ENKUR: variants seen among roughly 807,000 people sequenced by gnomAD.
The protein encoded by ENKUR is enkurin, TRPC channel interacting protein.
ENKUR carries 19 observed loss-of-function variants against 27.6 expected under a neutral mutation model. The ratio of observed to expected loss-of-function variants is 0.69; its 90% CI spans 0.48 to 1.01. The LOEUF (loss-of-function observed/expected upper bound fraction) is 1.01. ENKUR is among the 50% of genes least tolerant of loss of function. ENKUR has a pLI of 0.00. For synonymous variants in ENKUR, 117 were observed against 96.9 expected (o/e 1.21, Z -1.22); for missense variants, 312 against 310.5 (o/e 1.00, Z -0.04).
At chr10:25,053,775 C>A (rs1656051177) in intron 2 of ENKUR, among the ~76,000 whole-genome samples, 1 of 151,680 alleles carries the variant, frequency 6.6e-6, no homozygotes, top group Admixed American at 6.6e-5. Context: ...ATACATACAT[C>A]TTTTTACCCA....
At chr10:25,022,034 A>G (rs1850728764) in intron 2 of ENKUR, 1 of 152,192 alleles carries the variant, frequency 6.6e-6, no homozygotes, top group Admixed American at 6.5e-5. Context: ...CATATGATCT[A>G]GTATTTAATA....
chr10:25,056,635 G>A (rs1851259431), intron 2 of ENKUR, among the ~76,000 whole-genome samples: 1 of 152,160 alleles, frequency 6.6e-6, no homozygotes, highest in Non-Finnish European at 1.5e-5. Flanking sequence ...TGGAAAGCCA[G>A]CAGTCAATTT....
intron 2 of ENKUR, chr10:25,024,138 AC>A: frequency 6.2e-7 from 1 of 1,614,198 alleles, no homozygotes; most frequent in Non-Finnish European, 8.5e-7. Flanking sequence ...CTGCAGACAT[AC>A]CTGCTGCCAG....
chr10:25,032,024 T>A (rs1850940596), intron 2 of ENKUR, among the ~76,000 whole-genome samples: 1 of 152,192 alleles, frequency 6.6e-6, no homozygotes, highest in Admixed American at 6.5e-5. Flanking sequence ...TTTCTGTTTC[T>A]TCTGAAGTCC....
intron 1 of ENKUR, among the ~76,000 whole-genome samples, chr10:25,008,871 G>A (rs532339816): frequency 5.3e-5 from 8 of 152,250 alleles, no homozygotes; most frequent in African/African-American, 1.7e-4. Context: ...GTCCAACAAC[G>A]ATAGACTGGA....
At chr10:25,017,507 A>G (rs968361171), upstream of ENKUR, among the ~76,000 whole-genome samples, 1 of 152,090 alleles carries the variant, frequency 6.6e-6, no homozygotes, top group Non-Finnish European at 1.5e-5. Flanking sequence ...GATTAAAACA[A>G]CACAATGGCC....
intron 2 of ENKUR, chr10:25,023,857 G>T: frequency 6.2e-7 from 1 of 1,614,194 alleles, no homozygotes; most frequent in Non-Finnish European, 8.5e-7. Flanking sequence ...CCCAGAGGAG[G>T]TAGCTGACAA....
chr10:25,011,755 G>A (rs1011690699), intron 1 of ENKUR, among the ~76,000 whole-genome samples: 10 of 152,220 alleles, frequency 6.6e-5, no homozygotes, highest in African/African-American at 2.4e-4. Flanking sequence ...TTAAAAGGAA[G>A]CAGAGCATAA....
intron 4 of ENKUR, among the ~76,000 whole-genome samples, chr10:24,988,236 A>ATATATATATATATGTGTG (rs1849821963): frequency 7.0e-6 from 1 of 143,430 alleles, no homozygotes; most frequent in African/African-American, 2.6e-5. Flanking sequence ...AAAAAAATGT[A>ATATATATATATATGTGTG]TATATATATA....
chr10:25,023,355 G>C (rs1328065557), intron 2 of ENKUR: 1 of 1,614,158 alleles, frequency 6.2e-7, no homozygotes, highest in East Asian at 2.2e-5. Flanking sequence ...AATTGAGGAA[G>C]TCATGGTATT....
intron 2 of ENKUR, among the ~76,000 whole-genome samples, chr10:25,028,828 TCCTCC>T (rs1186242467): frequency 4.6e-5 from 7 of 152,206 alleles, no homozygotes; most frequent in Admixed American, 6.5e-5. Context: ...TTCGCTTTCT[TCCTCC>T]AGCTGTAACT....
intron 2 of ENKUR, among the ~76,000 whole-genome samples, chr10:25,043,916 G>T: frequency 6.7e-6 from 1 of 148,418 alleles, no homozygotes; most frequent in South Asian, 2.1e-4. Context: ...TTAGTTCTAG[G>T]ATTTCTGTTT....
chr10:25,050,875 G>A (rs1851181139), intron 2 of ENKUR, among the ~76,000 whole-genome samples: 1 of 152,168 alleles, frequency 6.6e-6, no homozygotes, highest in African/African-American at 2.4e-5. Flanking sequence ...TTCAAAAAAG[G>A]TGAAGGGCAT....
rs1849731174 is a variant in ENKUR, at chr10:24,984,352, A to G, written c.*18T>C. 2 of 1,597,444 alleles carry G rather than the reference A, an allele frequency of 1.3e-6. No individual in the cohort carries two copies. The highest frequency in any genetic ancestry group is 2.7e-5 in the African/African-American group (2 of 73,824). ...CAGTTCAAAATACTTAACAGTTTTC[A>G]AAGTTGTGCTGTTGGTATCATGCGC... On this transcript the variant is annotated 3_prime_UTR_variant, in exon 6 of 6. Transcript: ENST00000331161.
intron 2 of ENKUR, among the ~76,000 whole-genome samples, chr10:25,028,776 A>G (rs780921767): frequency 7.2e-5 from 11 of 152,160 alleles, no homozygotes; most frequent in East Asian, 3.8e-4. Context: ...ACCTCACCCA[A>G]TGGAACACAA....
chr10:25,018,656 G>GTTTT (rs149978118), upstream of ENKUR, among the ~76,000 whole-genome samples: 1 of 77,742 alleles, frequency 1.3e-5, no homozygotes, highest in South Asian at 4.9e-4. Context: ...ACAAATGAGA[G>GTTTT]TTGTTTTTTT....
intron 2 of ENKUR, among the ~76,000 whole-genome samples, chr10:25,041,042 A>AT (rs1162993528): frequency 1.3e-5 from 2 of 152,204 alleles, no homozygotes; most frequent in Admixed American, 1.3e-4. Context: ...AAAAATGTTT[A>AT]TTATTTACAG....
At chr10:25,028,786 A>G (rs1212212943) in intron 2 of ENKUR, among the ~76,000 whole-genome samples, 9 of 151,992 alleles carry the variant, frequency 5.9e-5, no homozygotes, top group Non-Finnish European at 1.3e-4. Flanking sequence ...ATGGAACACA[A>G]CTCACCTTTG....
At chr10:25,057,167 A>G (rs1851268569) in intron 2 of ENKUR, among the ~76,000 whole-genome samples, 1 of 152,190 alleles carries the variant, frequency 6.6e-6, no homozygotes, top group South Asian at 2.1e-4. Flanking sequence ...TTTAGAATCG[A>G]TTTGTCCAAA....
Sources: allele counts gnomAD v4.1 joint callset (sites outside exome capture counted in the v4.1 genomes callset), GRCh38; gene constraint gnomAD v4.1.1; transcripts MANE v1.5; gene names NCBI Gene and HGNC (gene_info 2026-07-23, HGNC 2026-07-21).